The following EIPR1 variants were observed in gnomAD, a reference collection of about 807,000 sequenced individuals.
EIPR1 encodes EARP and GARP complex-interacting protein 1.
EIPR1 carries 25 observed loss-of-function variants against 48.1 expected under a neutral mutation model. The observed-to-expected ratio is 0.52, with a 90% CI of 0.38 to 0.73. EIPR1 has a LOEUF of 0.73. EIPR1 is among the 30% of genes least tolerant of loss of function. The pLI is 0.00. For missense variants in EIPR1, 415 were observed against 506.2 expected, an observed-to-expected ratio of 0.82 and a Z score of 1.73; for synonymous variants, 204 against 201.9, an observed-to-expected ratio of 1.01 and a Z score of -0.09.
At chr2:3,363,700 T>TAAGAA in intron 1 of EIPR1, among the ~76,000 whole-genome samples, 1 of 142,304 alleles carries the variant, frequency 7.0e-6, no homozygotes, top group South Asian at 2.2e-4. Flanking sequence ...CATAAATATA[T>TAAGAA]AAGAAAAGAA....
intron 3 of EIPR1, among the ~76,000 whole-genome samples, chr2:3,328,493 CT>C: frequency 9.2e-6 from 1 of 108,888 alleles, no homozygotes; most frequent in Admixed American, 9.1e-5. Context: ...CTCTAATGAT[CT>C]CGGTGCCAGC....
intron 4 of EIPR1, among the ~76,000 whole-genome samples, chr2:3,249,141 A>G (rs1666929791): frequency 6.6e-6 from 1 of 152,230 alleles, no homozygotes; most frequent in African/African-American, 2.4e-5. Context: ...AGGGCTCAGA[A>G]AAAGAAAGCA....
Position 3,210,627 on chromosome 2 carries a change from C to CTTTTTTTTTTTTTTTTTTTTTT in EIPR1, c.516+3521_516+3522insAAAAAAAAAAAAAAAAAAAAAA, listed in dbSNP as rs56963007. The stretch of plus-strand genomic sequence containing the variant: ...TCTTCTCACTGTTTACCTCCCAATT[C>CTTTTTTTTTTTTTTTTTTTTTT]TTTTTTTTTTTTTTTTTTTTTGAGA... On this transcript the variant is annotated intron_variant, in intron 5 of 8. Transcript: ENST00000382125. Among the ~76,000 whole-genome samples the CTTTTTTTTTTTTTTTTTTTTTT allele has an allele frequency of 6.8e-5, 8 of 118,418 alleles. 4 individuals carry two copies. The highest frequency in any genetic ancestry group is 1.3e-4 in the African/African-American group (4 of 31,698). 77.7% of individuals were successfully genotyped at this position (118,418 alleles called of 152,430 possible). A position where few individuals can be genotyped will look rare whatever the true frequency, so the allele number is the denominator to read the frequency against.
At chr2:3,279,658 G>C (rs1667959850) in intron 3 of EIPR1, among the ~76,000 whole-genome samples, 1 of 152,244 alleles carries the variant, frequency 6.6e-6, no homozygotes, top group Non-Finnish European at 1.5e-5. Context: ...ACAGAAGCGA[G>C]TTTAAAGAAG....
chr2:3,350,377 CA>C (rs1231736472), intron 2 of EIPR1, among the ~76,000 whole-genome samples: 3 of 152,098 alleles, frequency 2.0e-5, no homozygotes. Context: ...ACGAGAACAT[CA>C]AGGGGGGAAT....
intron 3 of EIPR1, among the ~76,000 whole-genome samples, chr2:3,323,561 C>T (rs1669599926): frequency 6.6e-6 from 1 of 152,202 alleles, no homozygotes; most frequent in African/African-American, 2.4e-5. Context: ...GGGCCCTCAG[C>T]CAACGTTCGC....
intron 3 of EIPR1, among the ~76,000 whole-genome samples, chr2:3,320,794 T>C (rs1211162667): frequency 6.6e-6 from 1 of 152,212 alleles, no homozygotes. Flanking sequence ...ATTCAGCAGA[T>C]ACACTCAACT....
chr2:3,240,555 T>C (rs1454583742), intron 4 of EIPR1, among the ~76,000 whole-genome samples: 2,351 of 25,896 alleles, frequency 0.091, no homozygotes, highest in Middle Eastern at 0.2. Flanking sequence ...GCAAAGCCAG[T>C]AGATCCCTCC....
chr2:3,364,500 T>A (rs1255166852), intron 1 of EIPR1, among the ~76,000 whole-genome samples: 1 of 151,956 alleles, frequency 6.6e-6, no homozygotes. Context: ...CCTGGTGTGA[T>A]GATGCACACC....
chr2:3,343,085 G>C (rs1484533283), intron 2 of EIPR1, among the ~76,000 whole-genome samples: 2 of 152,238 alleles, frequency 1.3e-5, no homozygotes, highest in Non-Finnish European at 2.9e-5. Flanking sequence ...GGCTTGAAGA[G>C]TGGAGGGCCT....
At chr2:3,338,172 C>T (rs755046180) in intron 2 of EIPR1, 23 bp from the exon 3 acceptor site, 2 of 1,606,246 alleles carry the variant, frequency 1.2e-6, no homozygotes, top group East Asian at 2.2e-5. Flanking sequence ...GAAAAGAGCA[C>T]ATCAGGATCT....
intron 2 of EIPR1, among the ~76,000 whole-genome samples, chr2:3,347,895 A>G (rs1459972639): frequency 6.6e-6 from 1 of 152,218 alleles, no homozygotes; most frequent in Non-Finnish European, 1.5e-5. Flanking sequence ...GTGATGCTTC[A>G]GTGGGCAACT....
chr2:3,255,515 A>T (rs900340224), intron 4 of EIPR1, among the ~76,000 whole-genome samples: 3 of 152,252 alleles, frequency 2.0e-5, no homozygotes, highest in African/African-American at 7.2e-5. Context: ...CTATGTAGGT[A>T]TGATGCAATT....
chr2:3,359,592 T>C (rs1320428926), intron 1 of EIPR1, among the ~76,000 whole-genome samples: 1 of 152,194 alleles, frequency 6.6e-6, no homozygotes, highest in Non-Finnish European at 1.5e-5. Flanking sequence ...AATGTATCTT[T>C]AAAAATCACA....
At position 3,226,408 on chromosome 2, in the gene EIPR1, C is replaced by T. The variant is rs948248179; in HGVS notation, c.417-12160G>A. On this transcript the variant is annotated intron_variant, in intron 4 of 8. Coordinates refer to ENST00000382125, the MANE Select transcript of EIPR1 (RefSeq NM_003310.5). ...ACGTTTTCATATGCCTATTGGATAT[C>T]TGTATGTCTTCTTTAGAAAAATGTC... Among the ~76,000 whole-genome samples the T allele has an allele frequency of 3.9e-5, 6 of 152,270 alleles. No individual in the cohort carries two copies. The South Asian group carries it at 1.2e-3, about 32-fold the overall frequency.
chr2:3,349,170 A>G (rs1332174251), intron 2 of EIPR1, among the ~76,000 whole-genome samples: 1 of 152,246 alleles, frequency 6.6e-6, no homozygotes, highest in African/African-American at 2.4e-5. Flanking sequence ...GAGGGAAGCG[A>G]GCAGAGAGAG....
intron 3 of EIPR1, among the ~76,000 whole-genome samples, chr2:3,290,983 G>A (rs567624101): frequency 3.9e-5 from 6 of 152,270 alleles, no homozygotes; most frequent in South Asian, 4.2e-4. Context: ...CACATTCCAC[G>A]GGCCAGCCCT....
chr2:3,229,530 C>T (rs1199654640), intron 4 of EIPR1, among the ~76,000 whole-genome samples: 1 of 152,228 alleles, frequency 6.6e-6, no homozygotes, highest in Non-Finnish European at 1.5e-5. Flanking sequence ...TTTATCACCA[C>T]ACATCTTTTA....
intron 4 of EIPR1, among the ~76,000 whole-genome samples, chr2:3,232,209 T>G (rs1007387776): frequency 1.3e-5 from 2 of 152,220 alleles, no homozygotes; most frequent in Non-Finnish European, 2.9e-5. Context: ...CTCACTTTCT[T>G]TAGCCTCACT....
Sources: gnomAD v4.1 joint callset for allele counts (sites outside exome capture counted in the v4.1 genomes callset) on GRCh38, gnomAD v4.1.1 for gene constraint, MANE v1.5 for transcripts, NCBI Gene and HGNC (gene_info 2026-07-23, HGNC 2026-07-21) for gene names.